SLC6A16: variants seen among roughly 807,000 people sequenced by gnomAD.
SLC6A16 encodes the protein solute carrier family 6 member 16.
Under a neutral mutation model 65.4 loss-of-function variants are expected in SLC6A16, and 54 were observed. That is an observed-to-expected ratio of 0.83 (90% CI 0.66 to 1.04). SLC6A16 has a LOEUF of 1.04. Ranked by LOEUF, SLC6A16 falls within the 50% of genes least tolerant of loss-of-function variation. SLC6A16 has a pLI of 0.00. For synonymous variants in SLC6A16, 330 were observed against 346.5 expected, an observed-to-expected ratio of 0.95 and a Z score of 0.53; for missense variants, 816 against 914.0, an observed-to-expected ratio of 0.89 and a Z score of 1.38.
chr19:49,309,148 T>C lies in SLC6A16; in HGVS notation c.988-31A>G, dbSNP rs756959132. The C allele has an allele frequency of 3.7e-6, 6 of 1,609,242 alleles. No individual in the cohort carries two copies. The South Asian group carries it at 6.6e-5, about 18-fold the overall frequency. Reference sequence around the variant, plus strand: ...AGAGAGAAGACAAGCATAAGGGGGTTGTAAAAGAAGAAGCAGAGGACAACT... The same window carrying C: ...AGAGAGAAGACAAGCATAAGGGGGTCGTAAAAGAAGAAGCAGAGGACAACT... On this transcript the variant is annotated intron_variant, in intron 6 of 11. Coordinates refer to ENST00000335875, the MANE Select transcript of SLC6A16 (RefSeq NM_014037.3).
At chr19:49,330,726 G>A in the SLC6A16 span, among the ~76,000 whole-genome samples, 1 of 152,188 alleles carries the variant, frequency 6.6e-6, no homozygotes. Flanking sequence ...CAGATCACCT[G>A]AGGTCAGGAG....
chr19:49,298,853 T>C (rs2146087726), intron 7 of SLC6A16, among the ~76,000 whole-genome samples: 1 of 152,328 alleles, frequency 6.6e-6, no homozygotes, highest in South Asian at 2.1e-4. Flanking sequence ...GATACATATA[T>C]ACTGTGGAAT....
chr19:49,301,892 C>T lies in SLC6A16; in HGVS notation c.1229+6984G>A, dbSNP rs118168815. Among the ~76,000 whole-genome samples, 21 of 152,300 alleles carry T rather than the reference C, an allele frequency of 1.4e-4. 1 individual carries two copies. The East Asian group carries it at 3.1e-3, about 22-fold the overall frequency. On this transcript the variant is annotated intron_variant, in intron 7 of 11. Transcript: ENST00000335875. ...TGAGCCAAGGACCCAGCACAGCTAC[C>T]ATGCATGTGCCTGCACACAGCCATG...
At chr19:49,309,433 T>C (rs1970464944) in intron 5 of SLC6A16, 22 bp from the exon 6 acceptor site, 2 of 1,564,350 alleles carry the variant, frequency 1.3e-6, no homozygotes, top group African/African-American at 1.4e-5. Context: ...GTGGGACATA[T>C]CAGCAACCGT....
chr19:49,295,369 C>T (rs1970166582), intron 7 of SLC6A16, among the ~76,000 whole-genome samples: 1 of 92,894 alleles, frequency 1.1e-5, no homozygotes, highest in Non-Finnish European at 2.1e-5. Flanking sequence ...GACAGCGAGA[C>T]TCCATTTCAA....
the SLC6A16 span, chr19:49,337,166 T>C: frequency 6.2e-7 from 1 of 1,614,150 alleles, no homozygotes; most frequent in South Asian, 1.1e-5. Context: ...ATGCTGCTGC[T>C]CCTGTTTGCC....
At chr19:49,329,913 G>A (rs1970832596), upstream of SLC6A16, among the ~76,000 whole-genome samples, 2 of 152,042 alleles carry the variant, frequency 1.3e-5, no homozygotes, top group Admixed American at 6.6e-5. Flanking sequence ...GATTACAGGC[G>A]TGAGCCACCG....
chr19:49,323,844 G>A (rs936431832), intron 1 of SLC6A16, among the ~76,000 whole-genome samples: 1 of 152,264 alleles, frequency 6.6e-6, no homozygotes, highest in Admixed American at 6.5e-5. Context: ...ATATGATCCA[G>A]CAATTCCACT....
intron 3 of SLC6A16, 34 bp from the exon 4 acceptor site, chr19:49,310,200 G>A (rs1222645079): frequency 5.0e-6 from 8 of 1,613,306 alleles, no homozygotes; most frequent in Non-Finnish European, 6.8e-6. Flanking sequence ...TGGGGAGGAA[G>A]AGCAGGGACA....
the SLC6A16 span, chr19:49,336,919 C>T: frequency 6.8e-6 from 11 of 1,613,986 alleles, no homozygotes; most frequent in South Asian, 1.1e-5. Context: ...GCTTGGCCTT[C>T]GTGCCTCTGC....
At chr19:49,297,889 A>C (rs1343420940) in intron 7 of SLC6A16, among the ~76,000 whole-genome samples, 1 of 152,176 alleles carries the variant, frequency 6.6e-6, no homozygotes, top group East Asian at 1.9e-4. Flanking sequence ...AGACAAATCT[A>C]ATCTATGATG....
chr19:49,334,398 A>G, the SLC6A16 span, among the ~76,000 whole-genome samples: 1 of 151,968 alleles, frequency 6.6e-6, no homozygotes, highest in Non-Finnish European at 1.5e-5. Context: ...AGGTGCAAGG[A>G]TTGCTCGAGC....
At chr19:49,339,502 G>A in the SLC6A16 span, 1 of 1,533,658 alleles carries the variant, frequency 6.5e-7, no homozygotes, top group South Asian at 1.1e-5. The surrounding 1 kb of genome is among the most constrained non-coding windows in gnomAD (Gnocchi z 4.5). Flanking sequence ...GCCTGGGAAG[G>A]ACGAGCTCAG....
the SLC6A16 span, chr19:49,339,474 A>G: frequency 1.9e-6 from 3 of 1,566,986 alleles, no homozygotes. The surrounding 1 kb of genome is among the most constrained non-coding windows in gnomAD (Gnocchi z 4.5). Flanking sequence ...CCTGCCCTTC[A>G]TTTCGCGTCC....
At chr19:49,315,433 A>G (rs1970599027) in intron 1 of SLC6A16, among the ~76,000 whole-genome samples, 1 of 152,192 alleles carries the variant, frequency 6.6e-6, no homozygotes, top group African/African-American at 2.4e-5. Flanking sequence ...TGCTTCCATA[A>G]CATTAAGAGA....
chr19:49,331,554 G>A, the SLC6A16 span: 1 of 353,854 alleles, frequency 2.8e-6, no homozygotes, highest in Non-Finnish European at 5.6e-6. Flanking sequence ...GATGTTTAAG[G>A]TTAGCTGATT....
chr19:49,335,865 C>T, the SLC6A16 span: 1 of 1,134,378 alleles, frequency 8.8e-7, no homozygotes. The surrounding 1 kb of genome is among the most constrained non-coding windows in gnomAD (Gnocchi z 4.6). Context: ...TCAGGGAGAC[C>T]TACGGTGCCC....
At chr19:49,323,943 T>C (rs1970756022) in intron 1 of SLC6A16, among the ~76,000 whole-genome samples, 1 of 152,192 alleles carries the variant, frequency 6.6e-6, no homozygotes, top group Admixed American at 6.5e-5. Context: ...GGTGGAAGGA[T>C]TGCTTGAGCC....
rs1025650063 is a variant in SLC6A16, at chr19:49,308,179, G to A, written c.1229+697C>T. On this transcript the variant is annotated intron_variant, in intron 7 of 11. Transcript: ENST00000335875. ...CAGTTAAGAATGGGGGCCTTAGGGC[G>A]CGGTGGCTCACGCCTGTAATCGCAG... Among the ~76,000 whole-genome samples, 12 of 152,076 alleles carry A rather than the reference G, an allele frequency of 7.9e-5. No individual in the cohort carries two copies. In the East Asian group the frequency reaches 9.7e-4, roughly 12 times the overall value.
Sources: gnomAD v4.1 joint callset for allele counts (sites outside exome capture counted in the v4.1 genomes callset) on GRCh38, gnomAD v4.1.1 for gene constraint, Gnocchi (gnomAD v3.1) non-coding constraint, MANE v1.5 for transcripts, NCBI Gene and HGNC (gene_info 2026-07-23, HGNC 2026-07-21) for gene names.